The following MYO5B variants were observed in gnomAD, a reference collection of about 807,000 sequenced individuals.
MYO5B encodes unconventional myosin-Vb.
Under a neutral mutation model 229.3 loss-of-function variants are expected in MYO5B, and 143 were observed. The ratio of observed to expected loss-of-function variants is 0.62; its 90% confidence interval spans 0.54 to 0.72. The LOEUF (loss-of-function observed/expected upper bound fraction) is 0.72. Among genes scored for constraint, MYO5B ranks in the 30% least tolerant of loss-of-function variants. The pLI, the probability that MYO5B is intolerant of heterozygous loss-of-function variation, is 0.00. For synonymous variants in MYO5B, 918 were observed against 885.2 expected, an observed-to-expected ratio of 1.04 and a Z score of -0.66; for missense variants, 2,321 against 2,331.0, an observed-to-expected ratio of 1.00 and a Z score of 0.09.
chr18:49,975,229 A>T (rs1174094860), intron 9 of MYO5B, among the ~76,000 whole-genome samples: 4 of 152,116 alleles, frequency 2.6e-5, no homozygotes, highest in African/African-American at 9.7e-5. Context: ...CCAGGCTCCT[A>T]AGGTGGATGG....
chr18:49,903,273 T>G (rs1330153255), intron 20 of MYO5B, among the ~76,000 whole-genome samples: 1 of 150,782 alleles, frequency 6.6e-6, no homozygotes, highest in African/African-American at 2.4e-5. Flanking sequence ...AATTCACTGT[T>G]TTTTTTTTTC....
In MYO5B at chr18:49,863,323, G is replaced by C. The variant is rs1195500915; in HGVS notation, c.3848C>G (p.Pro1283Arg). 5 of 1,613,420 alleles carry C rather than the reference G, an allele frequency of 3.1e-6. No homozygotes were observed. The highest frequency in any genetic ancestry group is 4.2e-6 in the Non-Finnish European group (5 of 1,179,940). The change falls in exon 29 of 40, where the codon CCG becomes CGG. Residue 1283 changes from proline (P) to arginine (R), a missense_variant. Transcript: ENST00000285039. ...CCAACTTGATCTGGCATTAATGTTC[G>C]GCTCCTAGAAAGCCCCAGATAAAAA... ...QRRLAGRNAE[P>R]NINARSSWPN... is the part of the protein sequence containing the mutation.
intron 1 of MYO5B, among the ~76,000 whole-genome samples, chr18:50,115,607 G>C (rs2031948163): frequency 6.6e-6 from 1 of 151,252 alleles, no homozygotes; most frequent in Non-Finnish European, 1.5e-5. Flanking sequence ...CCTCAGAGCT[G>C]ACAGTTTACT....
intron 1 of MYO5B, among the ~76,000 whole-genome samples, chr18:50,058,989 C>T (rs1568090206): frequency 6.6e-6 from 1 of 152,156 alleles, no homozygotes; most frequent in East Asian, 1.9e-4. Flanking sequence ...TCCCTGTTCC[C>T]TATAGAGTTA....
rs188096211 is a variant in MYO5B, at chr18:50,082,092, G to A, written c.28-26714C>T. Among the ~76,000 whole-genome samples the A allele has an allele frequency of 6.7e-3, 1,021 of 152,344 alleles. 6 individuals carry two copies. Among genetic ancestry groups the A allele is most frequent in the South Asian group, 0.014 (70 of 4,834 alleles). On this transcript the variant is annotated intron_variant, in intron 1 of 39. Transcript: ENST00000285039. ...AACAGTTGAGATTGGCAGCTAAGAG[G>A]AAATGTCTTTTTATCATAGATTAAG...
rs552356573 is a variant in MYO5B at position 50,162,858 on chromosome 18, C to T, written c.27+31909G>A. ...GCTACACAGCACCTCACAGCTGATGCCTCCCCATCCCGTCCATTCCAGCCC... is the reference window on the plus strand; with the variant it reads ...GCTACACAGCACCTCACAGCTGATGTCTCCCCATCCCGTCCATTCCAGCCC... On this transcript the variant is annotated intron_variant, in intron 1 of 39. Coordinates refer to ENST00000285039, the MANE Select transcript of MYO5B (RefSeq NM_001080467.3). 5.9e-5 allele frequency among the ~76,000 whole-genome samples: 9 copies of T among 152,342 alleles called. No homozygotes were observed. In the South Asian group the frequency reaches 1.9e-3, roughly 32 times the overall value.
intron 1 of MYO5B, among the ~76,000 whole-genome samples, chr18:50,075,046 T>C (rs964594600): frequency 2.4e-4 from 36 of 152,292 alleles, no homozygotes; most frequent in African/African-American, 7.7e-4. Flanking sequence ...TCTGCCTGCC[T>C]TGGCCTCCCA....
At chr18:50,066,357 T>C (rs538155953) in intron 1 of MYO5B, among the ~76,000 whole-genome samples, 1 of 152,318 alleles carries the variant, frequency 6.6e-6, no homozygotes, top group East Asian at 1.9e-4. Flanking sequence ...TTGGTACTTG[T>C]ATCACACCCA....
At chr18:50,134,853 C>T (rs2032311935) in intron 1 of MYO5B, among the ~76,000 whole-genome samples, 1 of 152,206 alleles carries the variant, frequency 6.6e-6, no homozygotes, top group African/African-American at 2.4e-5. Flanking sequence ...CCTTAATTAT[C>T]TCCCTTGATG....
intron 1 of MYO5B, among the ~76,000 whole-genome samples, chr18:50,089,276 G>C (rs1238508538): frequency 2.0e-5 from 3 of 152,148 alleles, no homozygotes; most frequent in African/African-American, 7.2e-5. Flanking sequence ...TACTCAAGAG[G>C]CTGAGGCAGG....
chr18:50,158,450 C>T (rs148667712), intron 1 of MYO5B, among the ~76,000 whole-genome samples: 60 of 152,254 alleles, frequency 3.9e-4, no homozygotes, highest in African/African-American at 1.4e-3. Flanking sequence ...TTCTTGGAAG[C>T]GCCATTTCTG....
At chr18:50,045,078 G>A (rs1385210129) in intron 2 of MYO5B, among the ~76,000 whole-genome samples, 1 of 152,174 alleles carries the variant, frequency 6.6e-6, no homozygotes, top group Non-Finnish European at 1.5e-5. Context: ...TCCTTGTGCT[G>A]TACCTGTGAA....
chr18:49,831,683 T>C lies in MYO5B; in HGVS notation c.5394+3661A>G, dbSNP rs2023924226. ...TGGGAATGTAAAATGGTATAGCTGC[T>C]GTGGAAAAGTTTCAGATTCCTCAAA... On this transcript the variant is annotated intron_variant, in intron 39 of 39. Coordinates refer to ENST00000285039, the MANE Select transcript of MYO5B (RefSeq NM_001080467.3). 3.3e-5 allele frequency among the ~76,000 whole-genome samples: 5 copies of C among 152,320 alleles called. 1 individual carries two copies. Among genetic ancestry groups the C allele is most frequent in the South Asian group, 2.1e-4 (1 of 4,822 alleles).
intron 1 of MYO5B, among the ~76,000 whole-genome samples, chr18:50,160,717 T>C (rs1490931480): frequency 6.6e-6 from 1 of 152,130 alleles, no homozygotes; most frequent in Non-Finnish European, 1.5e-5. Context: ...CCTGAAACTT[T>C]CACCCACTCA....
chr18:49,909,794 G>T (rs756299613), intron 18 of MYO5B, among the ~76,000 whole-genome samples: 10 of 152,328 alleles, frequency 6.6e-5, no homozygotes, highest in Non-Finnish European at 1.2e-4. Context: ...ATACCACTTT[G>T]TCAGGCAGGC....
In MYO5B at chr18:49,930,849, G is replaced by T. The variant is rs1477539897; in HGVS notation, c.2004-1251C>A. ...AGAGGTTGCAGTGAGCTGAGATCGT[G>T]CCACTGCACTGCAGCCTGGGTGACA... On this transcript the variant is annotated intron_variant, in intron 16 of 39. Coordinates refer to ENST00000285039, the MANE Select transcript of MYO5B (RefSeq NM_001080467.3). 2.0e-5 allele frequency among the ~76,000 whole-genome samples: 3 copies of T among 150,032 alleles called. No homozygotes were observed. The East Asian group carries it at 6.1e-4, about 30-fold the overall frequency.
At chr18:50,028,651 C>T (rs2026356843) in intron 4 of MYO5B, among the ~76,000 whole-genome samples, 1 of 152,180 alleles carries the variant, frequency 6.6e-6, no homozygotes, top group Admixed American at 6.5e-5. Context: ...AAACTCCTGA[C>T]AATGAAAGCT....
chr18:49,982,907 G>C (rs1305680198), intron 8 of MYO5B, among the ~76,000 whole-genome samples: 1 of 147,358 alleles, frequency 6.8e-6, no homozygotes, highest in Non-Finnish European at 1.5e-5. Context: ...AGTGTCCTTA[G>C]AGCCTTGGAG....
chr18:50,113,296 C>T (rs141453146), intron 1 of MYO5B, among the ~76,000 whole-genome samples: 2 of 152,360 alleles, frequency 1.3e-5, no homozygotes, highest in African/African-American at 4.8e-5. Flanking sequence ...TCAAGGGGTG[C>T]TTTGACATAA....
Sources: gnomAD v4.1 joint callset for allele counts (sites outside exome capture counted in the v4.1 genomes callset) on GRCh38, gnomAD v4.1.1 for gene constraint, MANE v1.5 for transcripts, NCBI Gene and HGNC (gene_info 2026-07-23, HGNC 2026-07-21) for gene names.